RXRA: variants seen among roughly 807,000 people sequenced by gnomAD.
RXRA encodes the protein retinoic acid receptor RXR-alpha.
A neutral mutation model predicts 44.5 loss-of-function variants in RXRA; 5 were observed. The ratio of observed to expected loss-of-function variants is 0.11; its 90% confidence interval spans 0.06 to 0.24. The LOEUF (loss-of-function observed/expected upper bound fraction) is 0.24, where lower values mean the gene tolerates loss of function less well. RXRA is among the 10% of genes least tolerant of loss of function. The pLI, the probability that RXRA is intolerant of heterozygous loss-of-function variation, is 1.00. For missense variants in RXRA, 412 were observed against 646.5 expected (o/e 0.64, Z 3.93); for synonymous variants, 291 against 271.4 (o/e 1.07, Z -0.71).
chr9:134,371,735 T>C (rs1403058868), intron 1 of RXRA, among the ~76,000 whole-genome samples: 1 of 152,144 alleles, frequency 6.6e-6, no homozygotes, highest in Non-Finnish European at 1.5e-5. Flanking sequence ...TCCGCCCTTG[T>C]CTCTGCCTGT....
At chr9:134,332,088 G>A (rs1029490282) in intron 1 of RXRA, among the ~76,000 whole-genome samples, 8 of 151,868 alleles carry the variant, frequency 5.3e-5, no homozygotes, top group African/African-American at 9.7e-5. Flanking sequence ...AAGGAGTGGC[G>A]ACCCCTTGAT....
rs1053136085 is a variant in RXRA, at chr9:134,439,819, T to G, written c.*3205T>G. 1 of 152,278 alleles carries G rather than the reference T, an allele frequency of 6.6e-6. No individual in the cohort carries two copies. Among genetic ancestry groups the G allele is most frequent in the Non-Finnish European group, 1.5e-5 (1 of 68,058 alleles). 9.4% of individuals were successfully genotyped at this position (152,278 alleles called of 1,614,324 possible). ...CGGAGCGGTTACCAGTGTTTTGTGTTTATTTTTAATCAAGACGTTTCCCCT... is the reference window on the plus strand; with the variant it reads ...CGGAGCGGTTACCAGTGTTTTGTGTGTATTTTTAATCAAGACGTTTCCCCT... On this transcript the variant is annotated 3_prime_UTR_variant, in exon 10 of 10. Transcript: ENST00000481739.
intron 3 of RXRA, 103 bp downstream of exon 3, chr9:134,408,402 C>A: frequency 1.5e-6 from 2 of 1,294,180 alleles, no homozygotes; most frequent in Non-Finnish European, 2.1e-6. Flanking sequence ...CAAGCAGGAC[C>A]CAAGGCCAGG....
In RXRA at chr9:134,343,589, C is replaced by A. The variant is rs977960949; in HGVS notation, c.28+16930C>A. On this transcript the variant is annotated intron_variant, in intron 1 of 9. Transcript: ENST00000481739. This position sits in a 1 kb window ranked among gnomAD's most constrained non-coding sequence, Gnocchi z 4.1. ...CTAGAAATTGCTCGGGGCCAGGAAG[C>A]GAGACCAGTCACTGGGTGCAACCTT... Among the ~76,000 whole-genome samples the A allele has an allele frequency of 2.0e-5, 3 of 152,072 alleles. No homozygotes were observed. Among genetic ancestry groups the A allele is most frequent in the Non-Finnish European group, 4.4e-5 (3 of 67,994 alleles).
Position 134,401,615 on chromosome 9 carries a change from G to A in RXRA, c.29-17G>A, listed in dbSNP as rs906889453. 3.1e-6 allele frequency: 5 copies of A among 1,612,562 alleles called. No homozygotes were observed. The highest frequency in any genetic ancestry group is 4.2e-6 in the Non-Finnish European group (5 of 1,179,902). The stretch of plus-strand genomic sequence containing the variant: ...TCACCTGCACTGACCACTCTCCTGC[G>A]GCTTCTTGTCTTGCAGATTTCTCCA... On this transcript the variant is annotated splice_polypyrimidine_tract_variant and intron_variant, in intron 1 of 9. Transcript: ENST00000481739.
intron 1 of RXRA, among the ~76,000 whole-genome samples, chr9:134,328,795 C>T (rs1393233396): frequency 1.3e-5 from 2 of 152,124 alleles, no homozygotes; most frequent in South Asian, 2.1e-4. Context: ...CTTACAGCTG[C>T]CCAGCCGCTT....
At chr9:134,362,926 G>A (rs369209393) in intron 1 of RXRA, among the ~76,000 whole-genome samples, 13 of 152,346 alleles carry the variant, frequency 8.5e-5, no homozygotes, top group East Asian at 1.9e-4. Context: ...TGATGTGCCC[G>A]CTGTCAGCAG....
chr9:134,333,039 G>A lies in RXRA; in HGVS notation c.28+6380G>A, dbSNP rs191971257. On this transcript the variant is annotated intron_variant, in intron 1 of 9. Coordinates refer to ENST00000481739, the MANE Select transcript of RXRA (RefSeq NM_002957.6). Reference sequence around the variant, plus strand: ...CTCCGGCCCCCCCTGCACTCCCCAGGCTCTGGATGAAGTAGGGGGCAGGCC... The same window carrying A: ...CTCCGGCCCCCCCTGCACTCCCCAGACTCTGGATGAAGTAGGGGGCAGGCC... Among the ~76,000 whole-genome samples, 26 of 152,252 alleles carry A rather than the reference G, an allele frequency of 1.7e-4. 1 individual carries two copies. The highest frequency in any genetic ancestry group is 8.3e-4 in the South Asian group (4 of 4,824).
chr9:134,346,675 G>A (rs1262443771), intron 1 of RXRA, among the ~76,000 whole-genome samples: 1 of 152,194 alleles, frequency 6.6e-6, no homozygotes, highest in Non-Finnish European at 1.5e-5. Context: ...GTGGGTGGAT[G>A]CCCCCAAGGG....
At chr9:134,356,185 C>A (rs1297777771) in intron 1 of RXRA, among the ~76,000 whole-genome samples, 5 of 152,152 alleles carry the variant, frequency 3.3e-5, no homozygotes, top group Non-Finnish European at 7.4e-5. Flanking sequence ...GAAGCTGCCT[C>A]ACCCTCACCT....
intron 2 of RXRA, among the ~76,000 whole-genome samples, chr9:134,406,653 C>G (rs1831055310): frequency 6.6e-6 from 1 of 152,202 alleles, no homozygotes; most frequent in Admixed American, 6.5e-5. Context: ...CAGCACGGGG[C>G]AGGGCCAGCT....
chr9:134,393,618 C>T (rs534430261), intron 1 of RXRA, among the ~76,000 whole-genome samples: 113 of 152,278 alleles, frequency 7.4e-4, no homozygotes, highest in Middle Eastern at 6.8e-3. Flanking sequence ...GGCCTGTGGC[C>T]GCAGCTCCCA....
chr9:134,349,223 A>G lies in RXRA; in HGVS notation c.28+22564A>G, dbSNP rs956427551. On this transcript the variant is annotated intron_variant, in intron 1 of 9. Coordinates refer to ENST00000481739, the MANE Select transcript of RXRA (RefSeq NM_002957.6). This position sits in a 1 kb window ranked among gnomAD's most constrained non-coding sequence, Gnocchi z 4.3. ...GGGCCTGCAGACCCCAACTCCCTGCACCAGCCTGGCCCCGAGCTCCCACTT... is the reference window on the plus strand; with the variant it reads ...GGGCCTGCAGACCCCAACTCCCTGCGCCAGCCTGGCCCCGAGCTCCCACTT... 9.9e-5 allele frequency among the ~76,000 whole-genome samples: 15 copies of G among 152,134 alleles called. No individual in the cohort carries two copies. Among genetic ancestry groups the G allele is most frequent in the Non-Finnish European group, 1.8e-4 (12 of 68,016 alleles).
chr9:134,385,714 C>T (rs1830710110), intron 1 of RXRA, among the ~76,000 whole-genome samples: 1 of 152,210 alleles, frequency 6.6e-6, no homozygotes, highest in Non-Finnish European at 1.5e-5. Flanking sequence ...GACAGGCACC[C>T]TGCATCCGGT....
At chr9:134,372,278 ACTGGGG>A (rs1830500390) in intron 1 of RXRA, 1 of 152,186 alleles carries the variant, frequency 6.6e-6, no homozygotes, top group African/African-American at 2.4e-5. Context: ...ACACGCGCCC[ACTGGGG>A]AGGTGGAGGG....
chr9:134,434,283 T>C (rs2119213295), intron 9 of RXRA, 76 bp downstream of exon 9: 1 of 1,085,212 alleles, frequency 9.2e-7, no homozygotes, highest in East Asian at 2.4e-5. Context: ...TGCAAGGCCA[T>C]TTTATGTGAA....
chr9:134,398,070 C>T (rs1237645255), intron 1 of RXRA, among the ~76,000 whole-genome samples: 1 of 152,112 alleles, frequency 6.6e-6, no homozygotes, highest in East Asian at 1.9e-4. Context: ...ACCTCCGCCT[C>T]CCAGGTTCAA....
intron 1 of RXRA, chr9:134,401,346 C>T (rs376229797): frequency 3.2e-5 from 15 of 470,190 alleles, no homozygotes; most frequent in Middle Eastern, 5.9e-4. Flanking sequence ...GCGACCCAGG[C>T]GGGCATCCTG....
At chr9:134,382,781 A>T (rs560978988) in intron 1 of RXRA, among the ~76,000 whole-genome samples, 1 of 152,142 alleles carries the variant, frequency 6.6e-6, no homozygotes, top group Admixed American at 6.5e-5. Context: ...CTGGGAAGAC[A>T]TGTGCCTGAG....
Sources: allele counts gnomAD v4.1 joint callset (sites outside exome capture counted in the v4.1 genomes callset), GRCh38; gene constraint gnomAD v4.1.1; non-coding constraint Gnocchi (gnomAD v3.1); transcripts MANE v1.5; gene names NCBI Gene and HGNC (gene_info 2026-07-23, HGNC 2026-07-21).